Variants in PTPRG observed in about 807,000 individuals in gnomAD.
PTPRG encodes protein tyrosine phosphatase receptor type G, also known as receptor-type tyrosine-protein phosphatase gamma.
Under a neutral mutation model 165.3 loss-of-function variants are expected in PTPRG, and 102 were observed. The ratio of observed to expected loss-of-function variants is 0.62; its 90% CI spans 0.53 to 0.73. The LOEUF is 0.73. Among genes scored for constraint, PTPRG ranks in the 30% least tolerant of loss-of-function variants. The pLI is 0.00. For missense variants in PTPRG, 1,866 were observed against 1,861.4 expected (o/e 1.00, Z -0.05); for synonymous variants, 675 against 669.5 (o/e 1.01, Z -0.13).
At chr3:61,802,101 G>C (rs948059957) in intron 2 of PTPRG, among the ~76,000 whole-genome samples, 1 of 151,702 alleles carries the variant, frequency 6.6e-6, no homozygotes, top group South Asian at 2.1e-4. Flanking sequence ...TGTGCAGCTG[G>C]TTATCTTAGC....
chr3:61,731,564 G>C (rs1305847524), intron 1 of PTPRG, among the ~76,000 whole-genome samples: 1 of 151,952 alleles, frequency 6.6e-6, no homozygotes, highest in Non-Finnish European at 1.5e-5. Flanking sequence ...GGCCAGAATG[G>C]TCTAAATCTC....
chr3:61,770,136 G>A (rs2034164510), intron 2 of PTPRG: 1 of 152,142 alleles, frequency 6.6e-6, no homozygotes, highest in South Asian at 2.1e-4. Flanking sequence ...ATTTCCCTTG[G>A]ATTCGTGCTA....
intron 8 of PTPRG, among the ~76,000 whole-genome samples, chr3:62,184,151 T>C (rs1705774102): frequency 6.6e-6 from 1 of 152,192 alleles, no homozygotes; most frequent in Non-Finnish European, 1.5e-5. Context: ...GATTCGGTTA[T>C]GCGTTGTGTG....
At chr3:61,582,824 T>C (rs981533491) in intron 1 of PTPRG, among the ~76,000 whole-genome samples, 3 of 152,222 alleles carry the variant, frequency 2.0e-5, no homozygotes, top group Non-Finnish European at 4.4e-5. Context: ...GTTAGCACTT[T>C]GCTTCGGGTT....
chr3:61,760,273 A>G (rs1248402904), intron 2 of PTPRG, among the ~76,000 whole-genome samples: 1 of 152,200 alleles, frequency 6.6e-6, no homozygotes, highest in East Asian at 1.9e-4. Flanking sequence ...ATCCTAGTTC[A>G]AAAGTTATGG....
chr3:61,815,412 T>G (rs1248244565), intron 2 of PTPRG, among the ~76,000 whole-genome samples: 2 of 151,988 alleles, frequency 1.3e-5, no homozygotes, highest in South Asian at 4.2e-4. Flanking sequence ...AAAATTAAAA[T>G]TAAAAATAAA....
intron 5 of PTPRG, among the ~76,000 whole-genome samples, chr3:62,121,047 C>T (rs1703049865): frequency 6.6e-6 from 1 of 151,774 alleles, no homozygotes; most frequent in South Asian, 2.1e-4. Flanking sequence ...CGGGTTCATG[C>T]CATTCTCCTG....
At chr3:62,038,006 C>T (rs1700006058) in intron 4 of PTPRG, among the ~76,000 whole-genome samples, 1 of 152,154 alleles carries the variant, frequency 6.6e-6, no homozygotes. Flanking sequence ...GTCCTTAACA[C>T]TGAGCCTTGA....
At chr3:61,840,607 T>A (rs1341445657) in intron 2 of PTPRG, among the ~76,000 whole-genome samples, 6 of 152,134 alleles carry the variant, frequency 3.9e-5, no homozygotes, top group Admixed American at 6.6e-5. Flanking sequence ...TATTCTTTTA[T>A]CAAAGAATCA....
chr3:62,235,861 C>T (rs1701021334), intron 14 of PTPRG, among the ~76,000 whole-genome samples: 1 of 152,158 alleles, frequency 6.6e-6, no homozygotes, highest in Non-Finnish European at 1.5e-5. Flanking sequence ...CCCTTTCTCT[C>T]TCCTCATATC....
At chr3:62,247,167 C>A (rs1157084219) in intron 15 of PTPRG, among the ~76,000 whole-genome samples, 1 of 152,088 alleles carries the variant, frequency 6.6e-6, no homozygotes, top group East Asian at 1.9e-4. Context: ...ACAGTTGACA[C>A]CCCCATTTTC....
At chr3:61,680,079 A>G (rs967140016) in intron 1 of PTPRG, among the ~76,000 whole-genome samples, 1 of 152,208 alleles carries the variant, frequency 6.6e-6, no homozygotes, top group Non-Finnish European at 1.5e-5. Flanking sequence ...AGAGCAAACC[A>G]GAGCAGTTGG....
chr3:62,289,686 AC>A (rs1220047506), intron 28 of PTPRG, among the ~76,000 whole-genome samples: 4 of 135,112 alleles, frequency 3.0e-5, no homozygotes, highest in African/African-American at 1.1e-4. Context: ...ATAAAACAAC[AC>A]CCATTCATGA....
At chr3:61,686,412 G>A (rs1177049804) in intron 1 of PTPRG, among the ~76,000 whole-genome samples, 2 of 152,206 alleles carry the variant, frequency 1.3e-5, no homozygotes, top group Non-Finnish European at 2.9e-5. Flanking sequence ...TGGTGAGACT[G>A]GGGGAAATGA....
chr3:62,157,902 A>G (rs1704600688), intron 7 of PTPRG, among the ~76,000 whole-genome samples: 1 of 149,314 alleles, frequency 6.7e-6, no homozygotes, highest in South Asian at 2.1e-4. Context: ...GTGGCAACAC[A>G]AACATAGAGA....
chr3:62,235,191 T>C (rs544383837), intron 14 of PTPRG, among the ~76,000 whole-genome samples: 29 of 152,334 alleles, frequency 1.9e-4, no homozygotes, highest in East Asian at 1.3e-3. Flanking sequence ...AGTTGGACTA[T>C]CACATCACTG....
chr3:61,605,102 T>G (rs1700966276), intron 1 of PTPRG, among the ~76,000 whole-genome samples: 1 of 152,180 alleles, frequency 6.6e-6, no homozygotes, highest in South Asian at 2.1e-4. Context: ...GCATCTCCCA[T>G]TCGCTATCCT....
chr3:61,801,602 A>T (rs1247130044), intron 2 of PTPRG, among the ~76,000 whole-genome samples: 1 of 152,128 alleles, frequency 6.6e-6, no homozygotes, highest in African/African-American at 2.4e-5. Context: ...AAAAAATGGA[A>T]AAGAATAACG....
At chr3:61,806,946 C>A (rs959752461) in intron 2 of PTPRG, among the ~76,000 whole-genome samples, 3 of 152,176 alleles carry the variant, frequency 2.0e-5, no homozygotes, top group Admixed American at 6.5e-5. Context: ...CAGCTTTTGT[C>A]ACTTCAAAGA....
Sources: allele counts gnomAD v4.1 joint callset (sites outside exome capture counted in the v4.1 genomes callset), GRCh38; gene constraint gnomAD v4.1.1; transcripts MANE v1.5; gene names NCBI Gene and HGNC (gene_info 2026-07-23, HGNC 2026-07-21).